The following MGST1 variants were observed in gnomAD, a reference collection of about 807,000 sequenced individuals.
MGST1 encodes the protein glutathione S-transferase 12.
MGST1 carries 5 observed loss-of-function variants against 8.9 expected under a neutral mutation model. The observed-to-expected ratio is 0.56, with a 90% CI of 0.29 to 1.19. The LOEUF (loss-of-function observed/expected upper bound fraction) is 1.19, where lower values mean the gene tolerates loss of function less well. MGST1 is among the 50% of genes most tolerant of loss of function. The pLI is 0.08. For synonymous variants in MGST1, 54 were observed against 67.8 expected (o/e 0.80, Z 1.00); for missense variants, 182 against 187.4 (o/e 0.97, Z 0.17).
chr12:16,487,634 C>G (rs1431643246), intron 4 of MGST1, among the ~76,000 whole-genome samples: 1 of 152,078 alleles, frequency 6.6e-6, no homozygotes, highest in Non-Finnish European at 1.5e-5. Flanking sequence ...ATATCTATAT[C>G]TTCTAGATCA....
Position 16,444,181 on chromosome 12 carries a change from TG to T in MGST1, n.482+60579del, listed in dbSNP as rs1309903366. On this transcript the variant is annotated intron_variant and non_coding_transcript_variant, in intron 4 of 4. Transcript: ENST00000538857. The stretch of plus-strand genomic sequence containing the variant: ...AGGCTGACAGGTCTATTGGCTGATT[TG>T]GTTTTTTTTTTTTTTTTTTTTGTCT... Among the ~76,000 whole-genome samples the T allele has an allele frequency of 2.3e-3, 344 of 148,350 alleles. 3 individuals carry two copies. Among genetic ancestry groups the T allele is most frequent in the African/African-American group, 7.2e-3 (291 of 40,284 alleles).
chr12:16,567,653 G>A (rs1942664403), intron 4 of MGST1: 1 of 152,192 alleles, frequency 6.6e-6, no homozygotes, highest in African/African-American at 2.4e-5. Context: ...GACCAATATG[G>A]TAGTAGTCTG....
Position 16,401,973 on chromosome 12 carries a change from C to G in MGST1, n.778+18369C>G. 1 of 1,612,190 alleles carries G rather than the reference C, an allele frequency of 6.2e-7. No homozygotes were observed. Among genetic ancestry groups the G allele is most frequent in the South Asian group, 1.1e-5 (1 of 91,044 alleles). ...GCCTTCTTTGTTGAGGCAGTCATTC[C>G]AGCTCTTCATGAACTCTCCAGGGAA... is the stretch of plus-strand genomic sequence containing the variant. On this transcript the variant is annotated intron_variant and non_coding_transcript_variant, in intron 1 of 1. Transcript: ENST00000359720. This position sits in a 1 kb window ranked among gnomAD's most constrained non-coding sequence, Gnocchi z 4.3.
At position 16,582,770 on chromosome 12, in the gene MGST1, G is replaced by A. The variant is rs759533891; in HGVS notation, n.483-6758G>A. 3.3e-5 allele frequency among the ~76,000 whole-genome samples: 5 copies of A among 152,090 alleles called. No homozygotes were observed. The highest frequency in any genetic ancestry group is 5.9e-5 in the Non-Finnish European group (4 of 68,026). On this transcript the variant is annotated intron_variant and non_coding_transcript_variant, in intron 4 of 4. Coordinates refer to the MGST1 transcript ENST00000538857. This position sits in a 1 kb window ranked among gnomAD's most constrained non-coding sequence, Gnocchi z 4.1. Reference sequence around the variant, plus strand: ...CCCAGAAAAGAATCAGAACTAGGCCGGGCACGGTGGCCCATGCCTGTAATC... The same window carrying A: ...CCCAGAAAAGAATCAGAACTAGGCCAGGCACGGTGGCCCATGCCTGTAATC...
chr12:16,540,668 C>T (rs150779026), intron 4 of MGST1, among the ~76,000 whole-genome samples: 2,268 of 152,272 alleles, frequency 0.015, 26 homozygotes, highest in Admixed American at 0.028. Flanking sequence ...TGGTGGCTCA[C>T]GCCTGTAATG....
intron 4 of MGST1, among the ~76,000 whole-genome samples, chr12:16,474,434 G>C (rs534482747): frequency 6.6e-6 from 1 of 152,244 alleles, no homozygotes; most frequent in East Asian, 1.9e-4. Flanking sequence ...TGTGCTTATT[G>C]GATTTCATTC....
chr12:16,429,009 T>G (rs1940916937), intron 1 of MGST1, among the ~76,000 whole-genome samples: 1 of 152,122 alleles, frequency 6.6e-6, no homozygotes, highest in Non-Finnish European at 1.5e-5. Context: ...TTGTGTACAT[T>G]TTTGTTTTTT....
intron 4 of MGST1, among the ~76,000 whole-genome samples, chr12:16,531,051 G>A (rs536987816): frequency 1.3e-5 from 2 of 151,064 alleles, no homozygotes; most frequent in East Asian, 3.9e-4. Flanking sequence ...GGGAAAGAGA[G>A]GGAGAGAATA....
intron 2 of MGST1, 36 bp from the exon 3 acceptor site, chr12:16,357,569 A>T (rs764732303): frequency 6.5e-7 from 1 of 1,538,630 alleles, no homozygotes; most frequent in African/African-American, 1.4e-5. Flanking sequence ...CCTGGCCAGT[A>T]TTTGAAATAA....
intron 4 of MGST1, among the ~76,000 whole-genome samples, chr12:16,465,212 G>C (rs1941245576): frequency 6.6e-6 from 1 of 152,174 alleles, no homozygotes; most frequent in South Asian, 2.1e-4. Flanking sequence ...ATTTTTGACT[G>C]AATCCTTTTG....
In MGST1 at chr12:16,517,427, T is replaced by C. The variant is rs557812359; in HGVS notation, n.483-72101T>C. On this transcript the variant is annotated intron_variant and non_coding_transcript_variant, in intron 4 of 4. Coordinates refer to the MGST1 transcript ENST00000538857. The surrounding 1 kb of genome is among the most constrained non-coding windows in gnomAD (Gnocchi z 4.2). ...GTTCTTTCTTTTGCCTTGTGATGCC[T>C]CCTGCCTTCTGACACAGCAAGAAGG... 4.9e-4 allele frequency among the ~76,000 whole-genome samples: 74 copies of C among 150,778 alleles called. 2 individuals carry two copies. In the East Asian group the frequency reaches 6.8e-3, roughly 14 times the overall value.
chr12:16,426,150 T>C (rs982338439), intron 1 of MGST1, among the ~76,000 whole-genome samples: 1 of 152,162 alleles, frequency 6.6e-6, no homozygotes, highest in African/African-American at 2.4e-5. Flanking sequence ...ATTGCTACTA[T>C]AATAAATTTT....
chr12:16,369,095 TA>T (rs1483156501), downstream of MGST1, among the ~76,000 whole-genome samples: 2 of 150,094 alleles, frequency 1.3e-5, no homozygotes, highest in Non-Finnish European at 2.9e-5. This position sits in a 1 kb window ranked among gnomAD's most constrained non-coding sequence, Gnocchi z 4.8. Context: ...CCACCCAAAA[TA>T]AAGAGAATAG....
chr12:16,499,517 A>T (rs1941491530), intron 4 of MGST1, among the ~76,000 whole-genome samples: 1 of 152,064 alleles, frequency 6.6e-6, no homozygotes, highest in African/African-American at 2.4e-5. Flanking sequence ...GGGGAAAAAA[A>T]GTTTCTCTGG....
chr12:16,360,495 T>C (rs1339802787), intron 3 of MGST1: 6 of 376,330 alleles, frequency 1.6e-5, no homozygotes, highest in Non-Finnish European at 2.2e-5. Context: ...GTTATTTGAG[T>C]TCTGGAAAGA....
chr12:16,518,435 T>C (rs935931726), intron 4 of MGST1, among the ~76,000 whole-genome samples: 8 of 152,224 alleles, frequency 5.3e-5, no homozygotes, highest in Non-Finnish European at 1.0e-4. Flanking sequence ...TTCTATTTCA[T>C]TTAGTTTTGA....
rs982496120 is a variant in MGST1, at chr12:16,354,659, C to A, written c.126+281C>A. ...TGGAATATCAAAGTTTTCACGGAAA[C>A]TTTCTTTCATTTTGGAATTAATTTT... On this transcript the variant is annotated intron_variant, in intron 2 of 3. Transcript: ENST00000396210. 7 of 211,258 alleles carry A rather than the reference C, an allele frequency of 3.3e-5. No individual in the cohort carries two copies. In the Admixed American group the frequency reaches 3.6e-4, roughly 11 times the overall value. The allele number at this position is 211,258 out of a possible 1,614,324, so 13.1% of individuals were successfully genotyped here.
At chr12:16,505,258 G>T (rs148714607) in intron 4 of MGST1, among the ~76,000 whole-genome samples, 46 of 152,230 alleles carry the variant, frequency 3.0e-4, no homozygotes, top group African/African-American at 1.0e-3. Flanking sequence ...TAAAAAAAAT[G>T]CCTGTTCAAT....
At chr12:16,510,036 T>C (rs7971262) in intron 4 of MGST1, among the ~76,000 whole-genome samples, 145,702 of 152,304 alleles carry the variant, frequency 0.96, 69,928 homozygotes, top group Non-Finnish European at 1. Context: ...GTTAAAACAG[T>C]GCTGGCATAG....
Sources: allele counts gnomAD v4.1 joint callset (sites outside exome capture counted in the v4.1 genomes callset), GRCh38; gene constraint gnomAD v4.1.1; non-coding constraint Gnocchi (gnomAD v3.1); transcripts MANE v1.5; gene names NCBI Gene and HGNC (gene_info 2026-07-23, HGNC 2026-07-21).